MSN: variants seen among roughly 807,000 people sequenced by gnomAD.
The protein encoded by MSN is epididymis luminal protein 70.
A neutral mutation model predicts 48.0 loss-of-function variants in MSN; 2 were observed. That is an observed-to-expected ratio of 0.04 (90% CI 0.02 to 0.13). MSN has a LOEUF of 0.13. MSN is among the 10% of genes least tolerant of loss of function. The pLI is 1.00. For synonymous variants in MSN, 146 were observed against 166.9 expected (o/e 0.87, Z 0.97); for missense variants, 267 against 470.1 (o/e 0.57, Z 3.99).
chrX:65,680,228 G>A (rs180914812), intron 1 of MSN, among the ~76,000 whole-genome samples: 69 of 111,824 alleles, frequency 6.2e-4, no homozygotes, highest in African/African-American at 2.1e-3. Flanking sequence ...AATAGAGAGA[G>A]AAATTGTGTA....
chrX:65,650,414 A>G (rs917710822), intron 1 of MSN, among the ~76,000 whole-genome samples: 2 of 112,127 alleles, frequency 1.8e-5, no homozygotes, highest in Non-Finnish European at 3.8e-5. Context: ...CTGAGAAATA[A>G]AAGATGTATG....
At chrX:65,693,340 T>A (rs1241589377) in intron 1 of MSN, among the ~76,000 whole-genome samples, 2 of 112,601 alleles carry the variant, frequency 1.8e-5, no homozygotes, top group Non-Finnish European at 3.8e-5. Context: ...AGTTATTTCT[T>A]GCCTTCTGCT....
intron 1 of MSN, among the ~76,000 whole-genome samples, chrX:65,697,337 T>G (rs2071254554): frequency 1.8e-5 from 2 of 111,744 alleles, no homozygotes; most frequent in Non-Finnish European, 3.8e-5. Flanking sequence ...GCCTTCCAAC[T>G]TCTTACGTGA....
chrX:65,615,328 A>C (rs1457305880), intron 1 of MSN, among the ~76,000 whole-genome samples: 5 of 108,011 alleles, frequency 4.6e-5, no homozygotes, highest in South Asian at 3.8e-4. Flanking sequence ...CCAACAGTGT[A>C]AAAGTGTTCC....
At chrX:65,588,434 C>A in exon 1 of MSN, 2 of 404,406 alleles carry the variant, frequency 4.9e-6, no homozygotes, top group Non-Finnish European at 6.6e-6. Context: ...TCTTGGCTAT[C>A]TCTTCCCTGA....
chrX:65,727,609 C>G (rs2071580282), intron 2 of MSN, among the ~76,000 whole-genome samples: 1 of 111,932 alleles, frequency 8.9e-6, no homozygotes, highest in African/African-American at 3.3e-5. Flanking sequence ...AGTAATAGAT[C>G]CCTTTCCTGC....
intron 1 of MSN, among the ~76,000 whole-genome samples, chrX:65,637,219 A>G (rs2070611606): frequency 9.1e-6 from 1 of 110,081 alleles, no homozygotes; most frequent in Admixed American, 9.7e-5. Flanking sequence ...CGTGACCAAC[A>G]TAGAGAAACC....
intron 2 of MSN, among the ~76,000 whole-genome samples, chrX:65,724,452 T>G (rs2071548299): frequency 9.0e-6 from 1 of 110,979 alleles, no homozygotes. Flanking sequence ...CTAATCCTCC[T>G]TCTCTTATCA....
chrX:65,654,847 T>A (rs975122930), intron 1 of MSN, among the ~76,000 whole-genome samples: 5 of 111,676 alleles, frequency 4.5e-5, no homozygotes, highest in Non-Finnish European at 9.4e-5. Context: ...CAGTCACCTA[T>A]GACTGTTTTT....
intron 7 of MSN, among the ~76,000 whole-genome samples, chrX:65,733,662 T>G (rs775480679): frequency 6.8e-4 from 76 of 111,248 alleles, no homozygotes; most frequent in African/African-American, 2.4e-3. Context: ...ACATATTTGA[T>G]TCCTTCCTTC....
In MSN at chrX:65,636,704, G is replaced by A. The variant is rs1445835039; in HGVS notation, c.-22+48092G>A. On this transcript the variant is annotated intron_variant, in intron 1 of 3. Transcript: ENST00000609672. The stretch of plus-strand genomic sequence containing the variant: ...GGAAGCTGTAGTGAGCCGAGATCTC[G>A]CTATTGCACTCCGGGCTGGGCAACA... 1.6e-4 allele frequency among the ~76,000 whole-genome samples: 13 copies of A among 83,833 alleles called. No homozygotes were observed. The East Asian group carries it at 4.5e-3, about 29-fold the overall frequency. 72.8% of individuals were successfully genotyped at this position (83,833 alleles called of 115,157 possible).
chrX:65,668,380 G>GGTGAGGAGAGAGAT (rs2070895036), intron 1 of MSN, among the ~76,000 whole-genome samples: 1 of 111,773 alleles, frequency 8.9e-6, no homozygotes. Flanking sequence ...TCCACTAGGA[G>GGTGAGGAGAGAGAT]GTGAGGAGAG....
rs201153007 is a variant in MSN at position 65,687,384 on chromosome X, TC to T, written c.12+19535del. On this transcript the variant is annotated intron_variant, in intron 1 of 12. Coordinates refer to ENST00000360270, the MANE Select transcript of MSN (RefSeq NM_002444.3). ...ACACACAAACAAACAAACAAAAAAA[TC>T]CCCTCTCTTCTCAGCTACCTGTGGA... is the stretch of plus-strand genomic sequence containing the variant. Among the ~76,000 whole-genome samples, 1,041 of 110,772 alleles carry T rather than the reference TC, an allele frequency of 9.4e-3. 8 individuals carry two copies. Among genetic ancestry groups the T allele is most frequent in the Middle Eastern group, 0.028 (6 of 214 alleles).
intron 1 of MSN, among the ~76,000 whole-genome samples, chrX:65,650,158 A>T (rs1046009814): frequency 1.1e-5 from 1 of 93,265 alleles, no homozygotes; most frequent in African/African-American, 4.2e-5. Flanking sequence ...CCCCTCCTGG[A>T]TTCACTGCAA....
At chrX:65,653,143 T>C (rs1229275653) in intron 1 of MSN, among the ~76,000 whole-genome samples, 2 of 111,316 alleles carry the variant, frequency 1.8e-5, no homozygotes, top group Non-Finnish European at 3.8e-5. Flanking sequence ...GGGAGTGGTG[T>C]GTGTGTGACA....
intron 1 of MSN, among the ~76,000 whole-genome samples, chrX:65,592,219 T>C (rs984593360): frequency 1.2e-4 from 11 of 95,511 alleles, no homozygotes; most frequent in Non-Finnish European, 2.3e-4. Flanking sequence ...TTTTTTTTGA[T>C]GGAGTCTCGC....
At chrX:65,737,487 G>T (rs1251314705) in intron 10 of MSN, 149 bp downstream of exon 10, 2 of 693,142 alleles carry the variant, frequency 2.9e-6, no homozygotes, top group Non-Finnish European at 2.1e-6. Context: ...TCAGAAGCAA[G>T]CTGAGAAGTC....
chrX:65,610,029 A>G (rs1336477113), intron 1 of MSN, among the ~76,000 whole-genome samples: 1 of 112,279 alleles, frequency 8.9e-6, no homozygotes, highest in African/African-American at 3.2e-5. Flanking sequence ...GATTATAGCC[A>G]TAAGAATTAT....
intron 3 of MSN, among the ~76,000 whole-genome samples, chrX:65,728,514 C>T (rs1450087260): frequency 3.6e-5 from 4 of 110,395 alleles, no homozygotes; most frequent in African/African-American, 3.3e-5. Context: ...AGGATGGTCT[C>T]GATCTCCTGA....
Sources: gnomAD v4.1 joint callset for allele counts (sites outside exome capture counted in the v4.1 genomes callset) on GRCh38, gnomAD v4.1.1 for gene constraint, MANE v1.5 for transcripts, NCBI Gene and HGNC (gene_info 2026-07-23, HGNC 2026-07-21) for gene names.